AKTIP: variants seen among roughly 807,000 people sequenced by gnomAD.
AKTIP encodes the protein AKT-interacting protein.
Under a neutral mutation model 39.1 loss-of-function variants are expected in AKTIP, and 16 were observed. The ratio of observed to expected loss-of-function variants is 0.41; its 90% CI spans 0.28 to 0.62. AKTIP has a LOEUF of 0.62. Ranked by LOEUF, AKTIP falls within the 20% of genes least tolerant of loss-of-function variation. The pLI is 0.32. For missense variants in AKTIP, 262 were observed against 356.6 expected (o/e 0.73, Z 2.14); for synonymous variants, 93 against 124.3 (o/e 0.75, Z 1.67).
Position 53,503,149 on chromosome 16 carries a change from C to T in AKTIP, c.-73G>A, listed in dbSNP as rs1285353962. On this transcript the variant is annotated splice_region_variant and 5_prime_UTR_variant, in exon 1 of 10. Coordinates refer to ENST00000394657, the MANE Select transcript of AKTIP (RefSeq NM_022476.4). ...GCCTGCCGGGCAGTAAGCCTCACCC[C>T]AGTGCCTTCAATGCAGAGCTCCTGG... 1 of 153,326 alleles carries T rather than the reference C, an allele frequency of 6.5e-6. No individual in the cohort carries two copies. The highest frequency in any genetic ancestry group is 1.5e-5 in the Non-Finnish European group (1 of 68,944). 9.5% of individuals were successfully genotyped at this position (153,326 alleles called of 1,614,324 possible). A position where few individuals can be genotyped will look rare whatever the true frequency, so the allele number is the denominator to read the frequency against.
chr16:53,496,057 G>A (rs1961813125), intron 3 of AKTIP, among the ~76,000 whole-genome samples: 1 of 152,126 alleles, frequency 6.6e-6, no homozygotes, highest in Non-Finnish European at 1.5e-5. Context: ...GTTCTTCTGG[G>A]ACCCAGTTAC....
In AKTIP at chr16:53,492,313, C is replaced by G. The variant is rs1961530806; in HGVS notation, c.*99G>C. 9.7e-7 allele frequency: 1 copy of G among 1,028,314 alleles called. No individual in the cohort carries two copies. The highest frequency in any genetic ancestry group is 2.4e-5 in the East Asian group (1 of 41,866). 63.7% of individuals were successfully genotyped at this position (1,028,314 alleles called of 1,614,324 possible). On this transcript the variant is annotated 3_prime_UTR_variant, in exon 10 of 10. Transcript: ENST00000394657. ...AAAACACTGGCAGTCAGTCATTGTT[C>G]ACACAGTTTTACTCTTCAGGCAGTC... is the stretch of plus-strand genomic sequence containing the variant.
intron 1 of AKTIP, chr16:53,501,168 C>T (rs528234705): frequency 3.3e-5 from 5 of 152,328 alleles, no homozygotes; most frequent in African/African-American, 1.2e-4. Flanking sequence ...AACAGGAAGG[C>T]ACAGCACAAG....
chr16:53,498,522 C>T lies in AKTIP; in HGVS notation c.117G>A (p.Gln39=). The part of the protein sequence containing the change: ...TSPPRTAPKK[Q]LPSIPKNALP... ...AAGCATTTTTGGGAATAGAAGGCAG[C>T]TGTTTCTTTGGTGCAGTTCGTGGAG... Residue 39 remains glutamine, a synonymous_variant, in exon 3 of 10, where the codon CAG becomes CAA. Transcript: ENST00000394657. The T allele has an allele frequency of 6.2e-7, 1 of 1,614,040 alleles. No individual in the cohort carries two copies. The highest frequency in any genetic ancestry group is 8.5e-7 in the Non-Finnish European group (1 of 1,179,888).
chr16:53,492,808 A>G (rs1961573793), intron 8 of AKTIP, 55 bp from the exon 9 acceptor site: 4 of 1,540,904 alleles, frequency 2.6e-6, no homozygotes, highest in South Asian at 2.3e-5. Context: ...AAATTTCTAT[A>G]ACATTCATTT....
chr16:53,498,305 C>T (rs1961962484), intron 3 of AKTIP, 86 bp downstream of exon 3: 3 of 1,368,762 alleles, frequency 2.2e-6, no homozygotes, highest in Middle Eastern at 1.8e-4. Flanking sequence ...AAATGTCTGC[C>T]CTTTACTGCA....
In AKTIP at chr16:53,492,491, A is replaced by C. The variant is rs757708234; in HGVS notation, c.800T>G (p.Val267Gly). Reference protein sequence around the residue: ...KKPEEQHNKSVHVAGLSWVKP... With the variant: ...KKPEEQHNKSGHVAGLSWVKP... Reference sequence around the variant, plus strand: ...TACCCATGACAGGCCAGCAACATGAACACTTTTATTGTGCTGTTCTTCAGG... The same window carrying C: ...TACCCATGACAGGCCAGCAACATGACCACTTTTATTGTGCTGTTCTTCAGG... Residue 267 changes from valine (V) to glycine (G), a missense_variant, in exon 10 of 10, where the codon GTT (valine) becomes GGT (glycine). Transcript: ENST00000394657. The C allele has an allele frequency of 1.2e-6, 2 of 1,614,124 alleles. No individual in the cohort carries two copies. The highest frequency in any genetic ancestry group is 3.3e-5 in the Admixed American group (2 of 60,020).
chr16:53,499,415 T>TA (rs1481202407), intron 2 of AKTIP, among the ~76,000 whole-genome samples: 4 of 151,680 alleles, frequency 2.6e-5, no homozygotes, highest in Non-Finnish European at 4.4e-5. Flanking sequence ...AAAAAAGTAA[T>TA]AGTGGTGTTT....
In AKTIP at chr16:53,491,612, A is replaced by AGAT. The variant is rs1371443462; in HGVS notation, c.*797_*799dup. ...ATACTGCTACTGTAATTTTATATGAAGATAAGTGTATTTTTCAATAAAGCA... is the reference window on the plus strand; with the variant it reads ...ATACTGCTACTGTAATTTTATATGAAGATGATAAGTGTATTTTTCAATAAAGCA... On this transcript the variant is annotated 3_prime_UTR_variant, in exon 10 of 10. Coordinates refer to ENST00000394657, the MANE Select transcript of AKTIP (RefSeq NM_022476.4). The AGAT allele has an allele frequency of 1.3e-5, 2 of 152,622 alleles. No individual in the cohort carries two copies. The highest frequency in any genetic ancestry group is 3.8e-4 in the East Asian group (2 of 5,202). 9.5% of individuals were successfully genotyped at this position (152,622 alleles called of 1,614,324 possible). A position where few individuals can be genotyped will look rare whatever the true frequency, so the allele number is the denominator to read the frequency against.
At chr16:53,500,351 A>G (rs1962092769) in intron 1 of AKTIP, 22 bp from the exon 2 acceptor site, 2 of 1,529,780 alleles carry the variant, frequency 1.3e-6, no homozygotes, top group Non-Finnish European at 8.8e-7. Context: ...ACGGGAAGAC[A>G]TAGAAACATG....
Position 53,500,319 on chromosome 16 carries a change from A to G in AKTIP, c.-60T>C. 1 of 1,596,314 alleles carries G rather than the reference A, an allele frequency of 6.3e-7. No homozygotes were observed. The highest frequency in any genetic ancestry group is 8.5e-7 in the Non-Finnish European group (1 of 1,174,700). ...ATCATCCAAATCTTCTGTCTTCGGC[A>G]TTCACTTTACCTTAAAACAAGACGG... is the stretch of plus-strand genomic sequence containing the variant. On this transcript the variant is annotated 5_prime_UTR_variant, in exon 2 of 10. An upstream start codon of the reference 5' UTR is lost. Coordinates refer to ENST00000394657, the MANE Select transcript of AKTIP (RefSeq NM_022476.4).
chr16:53,502,883 C>A (rs965985304), intron 1 of AKTIP: 1 of 151,880 alleles, frequency 6.6e-6, no homozygotes, highest in Admixed American at 6.6e-5. Flanking sequence ...GCCAGCTGGG[C>A]CCCCCTCTCC....
intron 3 of AKTIP, 61 bp from the exon 4 acceptor site, chr16:53,495,387 AC>A: frequency 1.3e-6 from 2 of 1,512,836 alleles, no homozygotes; most frequent in Admixed American, 1.7e-5. Context: ...AGATCAAACC[AC>A]CCCACATTCA....
At chr16:53,497,630 A>G (rs1961919558) in intron 3 of AKTIP, among the ~76,000 whole-genome samples, 1 of 152,204 alleles carries the variant, frequency 6.6e-6, no homozygotes, top group African/African-American at 2.4e-5. Flanking sequence ...CACCCTCCAG[A>G]TGGGTCTGAC....
intron 1 of AKTIP, chr16:53,502,882 GC>G (rs992232487): frequency 2.0e-5 from 3 of 151,912 alleles, no homozygotes; most frequent in South Asian, 2.1e-4. Context: ...AGCCAGCTGG[GC>G]CCCCCTCTCC....
chr16:53,494,871 C>T (rs1342530177), intron 5 of AKTIP: 1 of 732,204 alleles, frequency 1.4e-6, no homozygotes, highest in Non-Finnish European at 2.4e-6. Context: ...AGGCAGCCAG[C>T]CTCCCTTGCA....
At chr16:53,502,881 G>C (rs1962259106) in intron 1 of AKTIP, 1 of 152,008 alleles carries the variant, frequency 6.6e-6, no homozygotes, top group African/African-American at 2.4e-5. Flanking sequence ...GAGCCAGCTG[G>C]GCCCCCCTCT....
chr16:53,493,354 TAG>T (rs1961614839), intron 8 of AKTIP: 1 of 153,400 alleles, frequency 6.5e-6, no homozygotes, highest in South Asian at 2.0e-4. Context: ...GTATTTTTAA[TAG>T]AGACGGGGTT....
intron 5 of AKTIP, 181 bp from the exon 6 acceptor site, chr16:53,494,786 T>A (rs969523838): frequency 2.1e-5 from 15 of 715,630 alleles, no homozygotes; most frequent in Non-Finnish European, 3.6e-5. Context: ...AATTTTGCAA[T>A]GAAGCGGGGA....
Sources: gnomAD v4.1 joint callset for allele counts (sites outside exome capture counted in the v4.1 genomes callset) on GRCh38, gnomAD v4.1.1 for gene constraint, MANE v1.5 for transcripts, NCBI Gene and HGNC (gene_info 2026-07-23, HGNC 2026-07-21) for gene names.